RTKN: variants seen among roughly 807,000 people sequenced by gnomAD.
RTKN encodes the protein rhotekin.
In RTKN, 49 loss-of-function variants were observed where a neutral mutation model predicts 63.5. That is an observed-to-expected ratio of 0.77 (90% CI 0.61 to 0.98). RTKN has a LOEUF of 0.98. Among genes scored for constraint, RTKN ranks in the 50% least tolerant of loss-of-function variants. RTKN has a pLI of 0.00. For synonymous variants in RTKN, 295 were observed against 290.4 expected (o/e 1.02, Z -0.16); for missense variants, 685 against 740.8 (o/e 0.92, Z 0.87).
chr2:74,437,433 C>A (rs1162892496), intron 1 of RTKN, among the ~76,000 whole-genome samples: 5 of 152,116 alleles, frequency 3.3e-5, no homozygotes. Context: ...CACCCTCAGC[C>A]ACTCTCCTAA....
chr2:74,440,339 G>A, intron 1 of RTKN: 2 of 985,868 alleles, frequency 2.0e-6, no homozygotes, highest in Non-Finnish European at 2.4e-6. Context: ...GCTCCACCCT[G>A]GGCTCACAAT....
Position 74,430,027 on chromosome 2 carries a change from C to T in RTKN, c.556G>A (p.Gly186Arg), listed in dbSNP as rs1218563726. The change falls in exon 6 of 12, where the codon GGG (glycine) becomes AGG (arginine). Residue 186 changes from glycine (G) to arginine (R), a missense_variant. By Grantham distance (125) the Gly-to-Arg change is moderately radical. Transcript: ENST00000272430. ...FQSNVLFAEA[G>R]PDFELRLELY... ...TCTAACCGCAGTTCAAAGTCTGGCCCCGCCTCAGCGCTGGTGGGAGGAAGA... is the reference window on the plus strand; with the variant it reads ...TCTAACCGCAGTTCAAAGTCTGGCCTCGCCTCAGCGCTGGTGGGAGGAAGA... The T allele has an allele frequency of 6.2e-7, 1 of 1,614,216 alleles. No individual in the cohort carries two copies. Among genetic ancestry groups the T allele is most frequent in the Admixed American group, 1.7e-5 (1 of 60,034 alleles).
rs1327120456 is a variant in RTKN, at chr2:74,426,460, A to G, written c.1475T>C (p.Leu492Pro). The G allele has an allele frequency of 3.1e-6, 5 of 1,611,106 alleles. No homozygotes were observed. Among genetic ancestry groups the G allele is most frequent in the Non-Finnish European group, 3.4e-6 (4 of 1,178,466 alleles). ...WLAMFTDQPA[L>P]PNPCSPASVA... ...TGAGGCAGGCGAGCAGGGGTTAGGC[A>G]GGGCAGGCTGGTCTGTAAACATTGC... The change falls in exon 12 of 12, where the codon CTG (leucine) becomes CCG (proline). Residue 492 changes from leucine to proline, a missense_variant. By Grantham distance (98) the Leu-to-Pro change is moderately conservative. Coordinates refer to ENST00000272430, the MANE Select transcript of RTKN (RefSeq NM_001015055.2).
Position 74,440,367 on chromosome 2 carries a change from G to C in RTKN, c.111+1339C>G. 2.0e-6 allele frequency: 2 copies of C among 986,430 alleles called. 1 individual carries two copies. Among genetic ancestry groups the C allele is most frequent in the South Asian group, 9.4e-5 (2 of 21,294 alleles). 61.1% of individuals were successfully genotyped at this position (986,430 alleles called of 1,614,324 possible). On this transcript the variant is annotated intron_variant, in intron 1 of 11. Transcript: ENST00000272430. ...CTCACAATTACCTCGCTTTTCCAGA[G>C]AAGGGAGGAGAGGGAGAGAGGAAGG...
intron 1 of RTKN, among the ~76,000 whole-genome samples, chr2:74,439,014 T>A (rs1671204484): frequency 6.6e-6 from 1 of 152,214 alleles, no homozygotes; most frequent in Non-Finnish European, 1.5e-5. Context: ...CAAGGTGCAG[T>A]GGCTCACGCC....
Position 74,429,876 on chromosome 2 carries a change from G to A in RTKN, c.707C>T (p.Ala236Val). Residue 236 changes from alanine (A) to valine (V), a missense_variant, in exon 6 of 12, where the codon GCT becomes GTT. By Grantham distance (64) the Ala-to-Val change is moderately conservative. Transcript: ENST00000272430. ...GATGGGACTGCTCCCTGAACCCCCA[G>A]CACTGTCCAGCGATGCCCGGACACG... ...GRRVRASLDS[A>V]GGSGSSPILL... The A allele has an allele frequency of 6.2e-7, 1 of 1,614,214 alleles. No individual in the cohort carries two copies. Among genetic ancestry groups the A allele is most frequent in the Admixed American group, 1.7e-5 (1 of 60,030 alleles).
Position 74,429,959 on chromosome 2 carries a change from G to C in RTKN, c.624C>G (p.Gly208=). The C allele has an allele frequency of 6.2e-7, 1 of 1,614,210 alleles. No individual in the cohort carries two copies. Among genetic ancestry groups the C allele is most frequent in the Non-Finnish European group, 8.5e-7 (1 of 1,180,018 alleles). Residue 208 remains glycine (G), a synonymous_variant, in exon 6 of 12, where the codon GGC becomes GGG. Transcript: ENST00000272430. ...ACVEEEGALT[G]GPKRLATKLS... Reference sequence around the variant, plus strand: ...GTTTGGTGGCAAGCCTCTTGGGGCCGCCAGTCAGGGCCCCCTCTTCTTCCA... The same window carrying C: ...GTTTGGTGGCAAGCCTCTTGGGGCCCCCAGTCAGGGCCCCCTCTTCTTCCA...
At chr2:74,440,403 C>A in intron 1 of RTKN, 1 of 986,610 alleles carries the variant, frequency 1.0e-6, no homozygotes, top group Non-Finnish European at 1.2e-6. Context: ...CAGGGGTGTG[C>A]CTGTCTGCTG....
chr2:74,441,254 G>A (rs1161888305), intron 1 of RTKN, among the ~76,000 whole-genome samples: 1 of 152,232 alleles, frequency 6.6e-6, no homozygotes, highest in Non-Finnish European at 1.5e-5. Context: ...CCGGCCTAAA[G>A]TCGGGGTTGA....
Position 74,441,759 on chromosome 2 carries a change from T to A in RTKN, c.58A>T (p.Met20Leu), listed in dbSNP as rs200679155. The change falls in exon 1 of 12, where the codon ATG becomes TTG. Residue 20 changes from methionine to leucine, a missense_variant. By Grantham distance (15) the Met-to-Leu change is conservative. Transcript: ENST00000272430. ...VTVARGSALE[M>L]EFKRGRFRLS... ...CGGAAGCGGCCGCGTTTGAACTCCA[T>A]CTCCAGGGCGGAGCCCCTGGCCACG... 24 of 1,612,160 alleles carry A rather than the reference T, an allele frequency of 1.5e-5. No individual in the cohort carries two copies. Among genetic ancestry groups the A allele is most frequent in the Non-Finnish European group, 1.9e-5 (23 of 1,179,644 alleles).
intron 1 of RTKN, among the ~76,000 whole-genome samples, chr2:74,434,707 G>T (rs374507241): frequency 6.6e-6 from 1 of 152,140 alleles, no homozygotes; most frequent in Non-Finnish European, 1.5e-5. Flanking sequence ...GAGCCACTGC[G>T]CCCAGCCTAA....
chr2:74,436,810 C>G lies in RTKN; in HGVS notation c.112-4144G>C, dbSNP rs963681459. 3.9e-5 allele frequency among the ~76,000 whole-genome samples: 6 copies of G among 152,160 alleles called. No homozygotes were observed. Among genetic ancestry groups the G allele is most frequent in the Non-Finnish European group, 7.4e-5 (5 of 68,024 alleles). ...CCTTTCAGGCAGAGGAACTGGGAAT[C>G]CTGGCTCAGGATCTGGACCCTTGTG... On this transcript the variant is annotated intron_variant, in intron 1 of 11. Transcript: ENST00000272430. This position sits in a 1 kb window ranked among gnomAD's most constrained non-coding sequence, Gnocchi z 4.3.
chr2:74,429,996 T>C lies in RTKN; in HGVS notation c.587A>G (p.Tyr196Cys), dbSNP rs1158576053. ...CCCCTCTTCTTCCACACAGGCCCCA[T>C]ACAGCTCTAACCGCAGTTCAAAGTC... Reference protein sequence around the residue: ...GPDFELRLELYGACVEEEGAL... With the variant: ...GPDFELRLELCGACVEEEGAL... The change falls in exon 6 of 12, where the codon TAT becomes TGT. Residue 196 changes from tyrosine (Y) to cysteine (C), a missense_variant. By Grantham distance (194) the Tyr-to-Cys change is radical. Transcript: ENST00000272430. The C allele has an allele frequency of 6.2e-7, 1 of 1,614,176 alleles. No homozygotes were observed. Among genetic ancestry groups the C allele is most frequent in the Non-Finnish European group, 8.5e-7 (1 of 1,180,036 alleles).
At chr2:74,426,629 C>T in intron 11 of RTKN, 55 bp from the exon 12 acceptor site, 2 of 1,500,228 alleles carry the variant, frequency 1.3e-6, no homozygotes, top group Non-Finnish European at 1.8e-6. Flanking sequence ...GCTCAGGCCC[C>T]AAGCCTACCC....
At chr2:74,428,551 T>C in intron 8 of RTKN, 80 bp downstream of exon 8, 1 of 1,541,390 alleles carries the variant, frequency 6.5e-7, no homozygotes, top group East Asian at 2.3e-5. Context: ...TCTTGATTTT[T>C]CATTAGCTCT....
chr2:74,427,810 A>G, intron 9 of RTKN: 1 of 556,208 alleles, frequency 1.8e-6, no homozygotes, highest in East Asian at 3.0e-5. Flanking sequence ...TGAGACAGGG[A>G]AAAAGGGATT....
At chr2:74,440,560 G>A in intron 1 of RTKN, 1 of 985,898 alleles carries the variant, frequency 1.0e-6, no homozygotes, top group Non-Finnish European at 1.2e-6. Flanking sequence ...CTGCGGCTCC[G>A]CCCCAGCTCC....
intron 1 of RTKN, chr2:74,439,854 C>G (rs1236117472): frequency 7.4e-7 from 1 of 1,358,848 alleles, no homozygotes; most frequent in Admixed American, 3.0e-5. Flanking sequence ...CTGCCGGGAG[C>G]CAGGCAGGGA....
chr2:74,429,414 T>C (rs999337967), intron 6 of RTKN, among the ~76,000 whole-genome samples: 4 of 152,210 alleles, frequency 2.6e-5, no homozygotes, highest in African/African-American at 9.7e-5. Context: ...CAAGAAGCTC[T>C]GCTCTATCCA....
Sources: allele counts gnomAD v4.1 joint callset (sites outside exome capture counted in the v4.1 genomes callset), GRCh38; gene constraint gnomAD v4.1.1; non-coding constraint Gnocchi (gnomAD v3.1); transcripts MANE v1.5; gene names NCBI Gene and HGNC (gene_info 2026-07-23, HGNC 2026-07-21).